Variants in VAC14 observed in about 807,000 individuals in gnomAD.
VAC14 encodes the protein protein VAC14 homolog.
VAC14 carries 47 observed loss-of-function variants against 85.3 expected under a neutral mutation model. The ratio of observed to expected loss-of-function variants is 0.55; its 90% CI spans 0.44 to 0.70. The LOEUF (loss-of-function observed/expected upper bound fraction) is 0.70. Among genes scored for constraint, VAC14 ranks in the 30% least tolerant of loss-of-function variants. The pLI, the probability that VAC14 is intolerant of heterozygous loss-of-function variation, is 0.00. For missense variants in VAC14, 861 were observed against 1,004.3 expected, an observed-to-expected ratio of 0.86 and a Z score of 1.93; for synonymous variants, 447 against 430.5, an observed-to-expected ratio of 1.04 and a Z score of -0.47.
rs557131715 is a variant in VAC14 at position 70,762,527 on chromosome 16, G to A, written c.1371+13C>T. The A allele has an allele frequency of 1.3e-4, 217 of 1,613,846 alleles. No homozygotes were observed. The highest frequency in any genetic ancestry group is 1.7e-4 in the Middle Eastern group (1 of 6,060). On this transcript the variant is annotated intron_variant, in intron 12 of 18. Coordinates refer to ENST00000261776, the MANE Select transcript of VAC14 (RefSeq NM_018052.5). The surrounding 1 kb of genome is among the most constrained non-coding windows in gnomAD (Gnocchi z 4.1). Reference sequence around the variant, plus strand: ...CCGATGTTCCATAAGTACGGGTGGCGTTGGTGACCTACCTCATCCGATTCA... The same window carrying A: ...CCGATGTTCCATAAGTACGGGTGGCATTGGTGACCTACCTCATCCGATTCA...
At chr16:70,710,462 G>T (rs112259974) in intron 14 of VAC14, among the ~76,000 whole-genome samples, 1 of 152,224 alleles carries the variant, frequency 6.6e-6, no homozygotes. Context: ...GGAATGAGGC[G>T]GGTGAGGGAC....
intron 9 of VAC14, 86 bp downstream of exon 9, chr16:70,780,704 T>G (rs574217071): frequency 2.4e-5 from 36 of 1,488,036 alleles, no homozygotes; most frequent in Non-Finnish European, 3.1e-5. Context: ...CCTGGTTGCT[T>G]AAGTGAGGCC....
At chr16:70,792,636 T>G (rs1011534704) in intron 1 of VAC14, among the ~76,000 whole-genome samples, 2 of 152,106 alleles carry the variant, frequency 1.3e-5, no homozygotes, top group African/African-American at 4.8e-5. Context: ...ACCCTCAATG[T>G]CTCAAAGACT....
rs186396890 is a variant in VAC14 at position 70,783,843 on chromosome 16, A to C, written c.594+270T>G. 3.3e-3 allele frequency among the ~76,000 whole-genome samples: 498 copies of C among 152,354 alleles called. 13 individuals carry two copies. The highest frequency in any genetic ancestry group is 0.032 in the Admixed American group (485 of 15,310). On this transcript the variant is annotated intron_variant, in intron 5 of 18. Coordinates refer to ENST00000261776, the MANE Select transcript of VAC14 (RefSeq NM_018052.5). ...AAAAAGTGAGATTGCTGGAAGTAGCACTGCTGGCTTTAAAGGAAACTCAGG... is the reference window on the plus strand; with the variant it reads ...AAAAAGTGAGATTGCTGGAAGTAGCCCTGCTGGCTTTAAAGGAAACTCAGG...
rs1417036048 is a variant in VAC14 at position 70,762,399 on chromosome 16, C to T, written c.1371+141G>A. On this transcript the variant is annotated intron_variant, in intron 12 of 18. Coordinates refer to ENST00000261776, the MANE Select transcript of VAC14 (RefSeq NM_018052.5). The surrounding 1 kb of genome is among the most constrained non-coding windows in gnomAD (Gnocchi z 4.1). ...CTGGAAAAACAGGTGTGAGCCACTG[C>T]ACCTGGCCCCAAAGTGAGTATTAAA... 1.5e-5 allele frequency: 13 copies of T among 875,366 alleles called. No individual in the cohort carries two copies. Among genetic ancestry groups the T allele is most frequent in the Non-Finnish European group, 2.4e-5 (13 of 550,534 alleles). The allele number at this position is 875,366 out of a possible 1,614,324, so 54.2% of individuals were successfully genotyped here. A position where few individuals can be genotyped will look rare whatever the true frequency, so the allele number is the denominator to read the frequency against.
In VAC14 at chr16:70,744,478, G is replaced by C. The variant is rs2030672404; in HGVS notation, c.1473C>G (p.Ser491Arg). The C allele has an allele frequency of 1.2e-6, 2 of 1,613,810 alleles. No individual in the cohort carries two copies. The highest frequency in any genetic ancestry group is 1.7e-6 in the Non-Finnish European group (2 of 1,180,022). ...GGGTGGGCACCTGGAGCTCTGAGTG[G>C]CTGGCCTGGAGGTCAGGGCCATCGA... ...GPLDGPDLQASHSELQVPTPG... is the reference protein window; with the variant it reads ...GPLDGPDLQARHSELQVPTPG... Residue 491 changes from serine to arginine, a missense_variant, in exon 13 of 19, where the codon AGC (serine) becomes AGG (arginine). This residue lies in a region of VAC14 where 629 missense variants were observed against 703.1 expected (regional missense o/e 0.89). Coordinates refer to ENST00000261776, the MANE Select transcript of VAC14 (RefSeq NM_018052.5).
At chr16:70,702,457 C>G (rs541890124) in intron 14 of VAC14, among the ~76,000 whole-genome samples, 1 of 152,172 alleles carries the variant, frequency 6.6e-6, no homozygotes, top group South Asian at 2.1e-4. Context: ...ATGTCATGCT[C>G]CAGCCGCTCG....
At chr16:70,748,551 A>G (rs1382083498) in intron 12 of VAC14, among the ~76,000 whole-genome samples, 1 of 152,214 alleles carries the variant, frequency 6.6e-6, no homozygotes, top group African/African-American at 2.4e-5. Flanking sequence ...CATTCCAGGA[A>G]ACTAGGCTTT....
At chr16:70,786,002 C>A (rs986195726) in intron 2 of VAC14, 133 bp from the exon 3 acceptor site, 3 of 1,328,174 alleles carry the variant, frequency 2.3e-6, no homozygotes, top group Non-Finnish European at 2.0e-6. Flanking sequence ...CTCAAAGACC[C>A]TTCCCAAGCC....
rs764872128 is a variant in VAC14 at position 70,801,126 on chromosome 16, G to A, written c.-226C>T. On this transcript the variant is annotated 5_prime_UTR_variant, in exon 1 of 19. Transcript: ENST00000261776. ...AACAACTCCCGCCCGGCACTAGCGG[G>A]ACTCACGAGACAGCGGCCATGTTAC... 2.3e-6 allele frequency: 1 copy of A among 425,854 alleles called. No homozygotes were observed. The allele number at this position is 425,854 out of a possible 1,614,324, so 26.4% of individuals were successfully genotyped here.
intron 13 of VAC14, among the ~76,000 whole-genome samples, chr16:70,732,094 A>G (rs1000889231): frequency 6.6e-6 from 1 of 152,232 alleles, no homozygotes; most frequent in African/African-American, 2.4e-5. Flanking sequence ...TCAGTGAGTC[A>G]AGTCATTGTG....
chr16:70,731,506 A>T lies in VAC14; in HGVS notation c.1650T>A (p.Pro550=). Residue 550 remains proline (P), a synonymous_variant, in exon 14 of 19, where the codon CCT becomes CCA. Coordinates refer to ENST00000261776, the MANE Select transcript of VAC14 (RefSeq NM_018052.5). ...SERKLLEVRG[P]FIIRQLCLLL... is the part of the protein sequence containing the mutation. ...CCGCCAAGGCTGACCTGATGATGAA[A>T]GGGCCTCTGACCTCCAGGAGCTTCC... The T allele has an allele frequency of 6.2e-7, 1 of 1,613,978 alleles. No homozygotes were observed. Among genetic ancestry groups the T allele is most frequent in the Non-Finnish European group, 8.5e-7 (1 of 1,179,878 alleles).
intron 12 of VAC14, among the ~76,000 whole-genome samples, chr16:70,756,874 G>A (rs2143070907): frequency 6.6e-6 from 1 of 152,328 alleles, no homozygotes; most frequent in Non-Finnish European, 1.5e-5. Flanking sequence ...CACAGTGGGT[G>A]TGATGGGTGG....
At chr16:70,738,809 G>A (rs1368279876) in intron 13 of VAC14, among the ~76,000 whole-genome samples, 2 of 152,210 alleles carry the variant, frequency 1.3e-5, no homozygotes, top group Non-Finnish European at 2.9e-5. Context: ...TGGCCTGTGT[G>A]GCCTGCCATG....
chr16:70,785,652 G>C, intron 3 of VAC14, 50 bp downstream of exon 3: 1 of 1,509,508 alleles, frequency 6.6e-7, no homozygotes, highest in Non-Finnish European at 8.9e-7. Flanking sequence ...GGTCAAGTGA[G>C]GTGGGGGAAC....
chr16:70,696,961 A>C, intron 16 of VAC14, 178 bp downstream of exon 16: 1 of 572,874 alleles, frequency 1.7e-6, no homozygotes, highest in South Asian at 2.0e-5. Flanking sequence ...TCGCTCTCCC[A>C]AATACGTCCC....
chr16:70,784,710 C>T (rs1355275966), intron 4 of VAC14, 66 bp downstream of exon 4: 1 of 1,461,110 alleles, frequency 6.8e-7, no homozygotes, highest in Non-Finnish European at 9.6e-7. Flanking sequence ...GACAGAATTT[C>T]TAAGCTTTAC....
At chr16:70,760,012 T>C (rs547370105) in intron 12 of VAC14, among the ~76,000 whole-genome samples, 1 of 152,364 alleles carries the variant, frequency 6.6e-6, no homozygotes, top group African/African-American at 2.4e-5. Context: ...GTGAGGGTTC[T>C]ACAGACACAA....
rs1169208940 is a variant in VAC14, at chr16:70,780,940, C to T, written c.947-1G>A. 3 of 1,613,964 alleles carry T rather than the reference C, an allele frequency of 1.9e-6. No individual in the cohort carries two copies. In the African/African-American group the frequency reaches 4.0e-5, roughly 22 times the overall value. On this transcript the variant is annotated splice_acceptor_variant, in intron 8 of 18. Transcript: ENST00000261776. LOFTEE classifies it high-confidence loss of function. ...CACACGTTGGCCACTTCTTTGATGC[C>T]TGAGTCCACTGATGTAAGGAGCGTG...
Sources: allele counts gnomAD v4.1 joint callset (sites outside exome capture counted in the v4.1 genomes callset), GRCh38; gene constraint gnomAD v4.1.1; regional missense constraint gnomAD v4.1.1; non-coding constraint Gnocchi (gnomAD v3.1); transcripts MANE v1.5; gene names NCBI Gene and HGNC (gene_info 2026-07-23, HGNC 2026-07-21).